Variants in CHL1 observed in about 807,000 individuals in gnomAD.
CHL1 encodes neural cell adhesion molecule L1-like protein.
In CHL1, 96 loss-of-function variants were observed where a neutral mutation model predicts 141.9. The ratio of observed to expected loss-of-function variants is 0.68; its 90% CI spans 0.57 to 0.80. CHL1 has a LOEUF of 0.80. Among genes scored for constraint, CHL1 ranks in the 30% least tolerant of loss-of-function variants. CHL1 has a pLI of 0.00. For synonymous variants in CHL1, 613 were observed against 502.2 expected (o/e 1.22, Z -2.95); for missense variants, 1,820 against 1,457.2 (o/e 1.25, Z -4.05).
rs189669139 is a variant in CHL1, at chr3:364,415, A to G, written c.1585+1032A>G. Reference sequence around the variant, plus strand: ...TTTTTATACTTCAAAAAGTAAACCTATATCAAGGTTAAGCAACTCAGCTAG... The same window carrying G: ...TTTTTATACTTCAAAAAGTAAACCTGTATCAAGGTTAAGCAACTCAGCTAG... On this transcript the variant is annotated intron_variant, in intron 14 of 27. Transcript: ENST00000256509. Among the ~76,000 whole-genome samples the G allele has an allele frequency of 6.6e-4, 100 of 152,316 alleles. 1 individual carries two copies. The highest frequency in any genetic ancestry group is 2.3e-3 in the African/African-American group (96 of 41,576).
intron 1 of CHL1, among the ~76,000 whole-genome samples, chr3:221,179 A>G (rs1293048893): frequency 6.6e-6 from 1 of 152,192 alleles, no homozygotes; most frequent in Non-Finnish European, 1.5e-5. Context: ...TCTCCTTAAA[A>G]TGGATAAAAC....
intron 27 of CHL1, 137 bp from the exon 28 acceptor site, chr3:405,358 G>A (rs1709458842): frequency 3.3e-6 from 2 of 609,364 alleles, no homozygotes; most frequent in Non-Finnish European, 5.7e-6. Flanking sequence ...AGTATCATGT[G>A]GGCTTTACTA....
intron 15 of CHL1, among the ~76,000 whole-genome samples, chr3:372,733 C>T (rs1705795138): frequency 6.6e-6 from 1 of 151,800 alleles, no homozygotes; most frequent in African/African-American, 2.4e-5. Context: ...ATAAATTTGT[C>T]TTCCTTCTAT....
At chr3:356,018 G>A (rs1433206439) in intron 11 of CHL1, among the ~76,000 whole-genome samples, 5 of 152,250 alleles carry the variant, frequency 3.3e-5, no homozygotes, top group South Asian at 2.1e-4. Flanking sequence ...TGCTTAGCAC[G>A]GGGACTGCCA....
chr3:259,712 G>GT (rs1007914663), intron 2 of CHL1, among the ~76,000 whole-genome samples: 1 of 151,840 alleles, frequency 6.6e-6, no homozygotes, highest in Non-Finnish European at 1.5e-5. Flanking sequence ...GAGGTACTTT[G>GT]TTTTTTTACC....
chr3:315,314 GTCATACTAACTTTCCCATGGTC>G (rs1277229805), intron 2 of CHL1, among the ~76,000 whole-genome samples: 1 of 152,088 alleles, frequency 6.6e-6, no homozygotes, highest in East Asian at 1.9e-4. Flanking sequence ...TTGAACCCAG[GTCATACTAACTTTCCCATGGTC>G]TCATCACTGC....
intron 2 of CHL1, among the ~76,000 whole-genome samples, chr3:297,586 C>T (rs1698308297): frequency 6.6e-6 from 1 of 151,688 alleles, no homozygotes. Flanking sequence ...TAAAATCATA[C>T]AATACTTCAA....
chr3:318,815 T>C (rs903750739), intron 2 of CHL1, among the ~76,000 whole-genome samples: 9 of 151,632 alleles, frequency 5.9e-5, no homozygotes, highest in African/African-American at 1.5e-4. Flanking sequence ...GGAAAAATCA[T>C]TGATGTATTT....
At chr3:268,918 T>C (rs1465421996) in intron 2 of CHL1, among the ~76,000 whole-genome samples, 2 of 152,216 alleles carry the variant, frequency 1.3e-5, no homozygotes, top group Non-Finnish European at 2.9e-5. Flanking sequence ...TGGCTTTGTT[T>C]ACACTTCCCC....
intron 19 of CHL1, among the ~76,000 whole-genome samples, chr3:386,160 C>CTA (rs1258343059): frequency 1.4e-5 from 2 of 140,706 alleles, no homozygotes; most frequent in African/African-American, 5.3e-5. Context: ...CAGAGATGTA[C>CTA]TAGAAATAAT....
chr3:201,114 C>G (rs957701620), intron 1 of CHL1, among the ~76,000 whole-genome samples: 2 of 152,172 alleles, frequency 1.3e-5, no homozygotes, highest in South Asian at 2.1e-4. Context: ...GGTTGGAATT[C>G]TGTATCACTG....
intron 11 of CHL1, among the ~76,000 whole-genome samples, chr3:355,120 C>T (rs1434883588): frequency 1.3e-5 from 2 of 152,162 alleles, no homozygotes; most frequent in Non-Finnish European, 2.9e-5. Context: ...AGCCTAGCAG[C>T]TGAGGGCACA....
intron 2 of CHL1, among the ~76,000 whole-genome samples, chr3:255,703 C>A (rs1195553554): frequency 2.0e-5 from 3 of 152,112 alleles, no homozygotes; most frequent in African/African-American, 7.2e-5. Flanking sequence ...TAGTTTTTTC[C>A]TAGTATTTCC....
intron 20 of CHL1, 142 bp from the exon 21 acceptor site, chr3:390,559 T>C (rs914304655): frequency 6.6e-6 from 4 of 603,550 alleles, no homozygotes; most frequent in African/African-American, 5.6e-5. Flanking sequence ...TTATCTATCA[T>C]GAGAAACTCT....
rs1702384721 is a variant in CHL1, at chr3:342,062, T to A, written c.659T>A (p.Met220Lys). 6.2e-7 allele frequency: 1 copy of A among 1,611,388 alleles called. No homozygotes were observed. The highest frequency in any genetic ancestry group is 1.3e-5 in the African/African-American group (1 of 74,910). The stretch of plus-strand genomic sequence containing the variant: ...AGGACTATTGTACAGAAAATGCCAA[T>A]GAAACTAACAGTTAACAGTTGTAAG... ...RLRTIVQKMPMKLTVNSLKHA... is the reference protein window; with the variant it reads ...RLRTIVQKMPKKLTVNSLKHA... The change falls in exon 7 of 28, where the codon ATG becomes AAG. Residue 220 changes from methionine (M) to lysine (K), a missense_variant. Coordinates refer to ENST00000256509, the MANE Select transcript of CHL1 (RefSeq NM_006614.4).
intron 3 of CHL1, 89 bp from the exon 4 acceptor site, chr3:325,870 T>A (rs184164078): frequency 1.2e-5 from 9 of 772,676 alleles, no homozygotes; most frequent in South Asian, 1.8e-5. Context: ...CTTATCAGTA[T>A]ACAAAAGAGG....
At chr3:282,956 A>G (rs1380878145) in intron 2 of CHL1, among the ~76,000 whole-genome samples, 1 of 152,194 alleles carries the variant, frequency 6.6e-6, no homozygotes, top group Non-Finnish European at 1.5e-5. Context: ...TTTTGTGTCC[A>G]GGGATCCAAG....
At chr3:254,949 A>T (rs555766136) in intron 2 of CHL1, among the ~76,000 whole-genome samples, 2 of 152,158 alleles carry the variant, frequency 1.3e-5, no homozygotes, top group African/African-American at 4.8e-5. Context: ...CCCTACCATC[A>T]TGCAAAGAAG....
At chr3:224,846 C>T (rs555763811) in intron 1 of CHL1, among the ~76,000 whole-genome samples, 1 of 152,172 alleles carries the variant, frequency 6.6e-6, no homozygotes, top group Admixed American at 6.5e-5. Flanking sequence ...ATCAATTAAA[C>T]AACTCAGAGC....
Sources: gnomAD v4.1 joint callset for allele counts (sites outside exome capture counted in the v4.1 genomes callset) on GRCh38, gnomAD v4.1.1 for gene constraint, MANE v1.5 for transcripts, NCBI Gene and HGNC (gene_info 2026-07-23, HGNC 2026-07-21) for gene names.